Variants in ADAMTS16 observed in about 807,000 individuals in gnomAD.
ADAMTS16 encodes the protein A disintegrin and metalloproteinase with thrombospondin motifs 16.
In ADAMTS16, 94 loss-of-function variants were observed where a neutral mutation model predicts 145.8. The ratio of observed to expected loss-of-function variants is 0.64; its 90% confidence interval spans 0.55 to 0.77. The LOEUF (loss-of-function observed/expected upper bound fraction) is 0.77, where lower values mean the gene tolerates loss of function less well. Among genes scored for constraint, ADAMTS16 ranks in the 30% least tolerant of loss-of-function variants. The pLI is 0.00. For missense variants in ADAMTS16, 1,585 were observed against 1,591.5 expected (o/e 1.00, Z 0.07); for synonymous variants, 659 against 604.3 (o/e 1.09, Z -1.33).
rs1160793271 is a variant in ADAMTS16 at position 5,209,165 on chromosome 5, A to T, written c.1524A>T (p.Pro508=). 2 of 1,613,968 alleles carry T rather than the reference A, an allele frequency of 1.2e-6. No homozygotes were observed. Among genetic ancestry groups the T allele is most frequent in the African/African-American group, 2.7e-5 (2 of 74,944 alleles). Residue 508 remains proline, a synonymous_variant, in exon 10 of 23, where the codon CCA becomes CCT. Transcript: ENST00000274181. Reference sequence around the variant, plus strand: ...AATACAAGTATCCTGAGAAATTGCCAGGAGAATTATATGATGCAAACACAC... The same window carrying T: ...AATACAAGTATCCTGAGAAATTGCCTGGAGAATTATATGATGCAAACACAC... ...VKEYKYPEKL[P]GELYDANTQC... is the part of the protein sequence containing the mutation.
At chr5:5,177,183 T>TTA (rs1735220652) in intron 3 of ADAMTS16, among the ~76,000 whole-genome samples, 1 of 152,196 alleles carries the variant, frequency 6.6e-6, no homozygotes, top group Non-Finnish European at 1.5e-5. Flanking sequence ...TTCTGATGGA[T>TTA]TATGATGATG....
intron 18 of ADAMTS16, among the ~76,000 whole-genome samples, chr5:5,298,628 A>G (rs146641397): frequency 6.8e-4 from 102 of 150,348 alleles, no homozygotes; most frequent in African/African-American, 2.4e-3. Flanking sequence ...TGTTTTCCCT[A>G]TGGAAGAGGC....
At chr5:5,173,708 C>T (rs995383238) in intron 3 of ADAMTS16, among the ~76,000 whole-genome samples, 1 of 152,104 alleles carries the variant, frequency 6.6e-6, no homozygotes, top group Non-Finnish European at 1.5e-5. Flanking sequence ...CTCCTGACCT[C>T]ATGATCTGCC....
At chr5:5,237,940 A>G (rs964481883) in intron 14 of ADAMTS16, among the ~76,000 whole-genome samples, 4 of 152,194 alleles carry the variant, frequency 2.6e-5, no homozygotes, top group African/African-American at 7.2e-5. Context: ...CATGTAGACA[A>G]TGGGGTTTCA....
chr5:5,238,213 T>C (rs924446365), intron 14 of ADAMTS16, among the ~76,000 whole-genome samples: 2 of 152,212 alleles, frequency 1.3e-5, no homozygotes, highest in Admixed American at 6.5e-5. Context: ...CTTAATGATA[T>C]AGTGTCATAA....
At chr5:5,231,440 T>C in intron 11 of ADAMTS16, among the ~76,000 whole-genome samples, 1 of 152,082 alleles carries the variant, frequency 6.6e-6, no homozygotes, top group East Asian at 1.9e-4. Context: ...AGCCTTTTTT[T>C]TTTTCTGTCA....
At chr5:5,171,707 T>C (rs1735046025) in intron 3 of ADAMTS16, among the ~76,000 whole-genome samples, 1 of 152,210 alleles carries the variant, frequency 6.6e-6, no homozygotes. Flanking sequence ...TCAATGTTCA[T>C]CAGGGATATT....
rs750094212 is a variant in ADAMTS16 at position 5,190,059 on chromosome 5, G to A, written c.1136G>A (p.Arg379His). ...QSGLMGKDGT[R>H]HDHAILLTGL... is the part of the protein sequence containing the mutation. The stretch of plus-strand genomic sequence containing the variant: ...GGATTGATGGGGAAAGATGGGACTC[G>A]TCATGACCACGCCATCTTACTGACT... The change falls in exon 7 of 23, where the codon CGT becomes CAT. Residue 379 changes from arginine to histidine, a missense_variant. Physicochemically the swap from Arg to His is conservative, Grantham distance 29 (BLOSUM62 0). Around this residue, in one of 3 missense-constraint regions of ADAMTS16, gnomAD observed 298 missense variants for 367.6 expected, o/e 0.81. Coordinates refer to ENST00000274181, the MANE Select transcript of ADAMTS16 (RefSeq NM_139056.4). The A allele has an allele frequency of 1.5e-5, 25 of 1,613,108 alleles. No homozygotes were observed. The South Asian group carries it at 2.0e-4, about 13-fold the overall frequency.
intron 18 of ADAMTS16, among the ~76,000 whole-genome samples, chr5:5,282,081 C>T (rs1738939038): frequency 6.6e-6 from 1 of 151,084 alleles, no homozygotes; most frequent in South Asian, 2.1e-4. Context: ...AGCCTCCGAC[C>T]CTCATGAGTG....
At chr5:5,167,738 A>G (rs1366868174) in intron 3 of ADAMTS16, among the ~76,000 whole-genome samples, 1 of 152,220 alleles carries the variant, frequency 6.6e-6, no homozygotes, top group African/African-American at 2.4e-5. Context: ...AGGGTTCCAG[A>G]GCCTTGCTCT....
intron 18 of ADAMTS16, among the ~76,000 whole-genome samples, chr5:5,279,278 GAGTT>G (rs1483013903): frequency 6.6e-6 from 1 of 152,202 alleles, no homozygotes; most frequent in Admixed American, 6.5e-5. Flanking sequence ...AGCTAACAAA[GAGTT>G]AGAGAACAGG....
In ADAMTS16 at chr5:5,211,344, T is replaced by C. The variant is rs555628950; in HGVS notation, c.1605+2098T>C. 3.3e-5 allele frequency among the ~76,000 whole-genome samples: 5 copies of C among 152,264 alleles called. No homozygotes were observed. The South Asian group carries it at 8.3e-4, about 25-fold the overall frequency. ...ATTAAAAGTGACACTAAAGGAGATA[T>C]TTTTTCAATGAATGGTTATGAATTC... On this transcript the variant is annotated intron_variant, in intron 10 of 22. Coordinates refer to ENST00000274181, the MANE Select transcript of ADAMTS16 (RefSeq NM_139056.4).
chr5:5,184,331 A>C (rs1735436568), intron 4 of ADAMTS16, among the ~76,000 whole-genome samples: 1 of 108,070 alleles, frequency 9.3e-6, no homozygotes, highest in Non-Finnish European at 2.2e-5. Flanking sequence ...ATGCACCCCC[A>C]GGGCACTGTC....
At chr5:5,193,595 G>T (rs542376814) in intron 8 of ADAMTS16, among the ~76,000 whole-genome samples, 68 of 152,324 alleles carry the variant, frequency 4.5e-4, no homozygotes, top group Non-Finnish European at 3.4e-4. Flanking sequence ...GCCGTTGCAG[G>T]TGGTGAACTT....
At chr5:5,146,478 G>A in intron 3 of ADAMTS16, 23 bp downstream of exon 3, 2 of 1,571,900 alleles carry the variant, frequency 1.3e-6, no homozygotes, top group Non-Finnish European at 1.7e-6. Flanking sequence ...CAAGCCCCAG[G>A]TAGGGAGGCG....
chr5:5,320,247 G>A lies in ADAMTS16; in HGVS notation c.*1109G>A, dbSNP rs199616863. 9.3e-5 allele frequency: 22 copies of A among 236,580 alleles called. No homozygotes were observed. The South Asian group carries it at 9.8e-4, about 11-fold the overall frequency. The allele number at this position is 236,580 out of a possible 1,614,324, so 14.7% of individuals were successfully genotyped here. A position where few individuals can be genotyped will look rare whatever the true frequency, so the allele number is the denominator to read the frequency against. On this transcript the variant is annotated 3_prime_UTR_variant, in exon 23 of 23. Transcript: ENST00000274181. The surrounding 1 kb of genome is among the most constrained non-coding windows in gnomAD (Gnocchi z 5.1). ...GGTGCTGTGGCTCCATTCCAAAGGG[G>A]CACCTGGATATTTATATTTGCTGAA...
At chr5:5,279,551 G>A (rs572580340) in intron 18 of ADAMTS16, among the ~76,000 whole-genome samples, 15 of 152,124 alleles carry the variant, frequency 9.9e-5, no homozygotes, top group African/African-American at 2.7e-4. Context: ...GGGGAAAAAA[G>A]ATTTTATTAA....
At chr5:5,181,301 C>T (rs192153174) in intron 3 of ADAMTS16, among the ~76,000 whole-genome samples, 1 of 152,270 alleles carries the variant, frequency 6.6e-6, no homozygotes, top group Non-Finnish European at 1.5e-5. Flanking sequence ...TGTAAGATTG[C>T]CTGCTTGTCC....
intron 3 of ADAMTS16, among the ~76,000 whole-genome samples, chr5:5,163,462 T>A (rs1022671761): frequency 6.6e-6 from 1 of 152,202 alleles, no homozygotes; most frequent in African/African-American, 2.4e-5. Flanking sequence ...TGAGAGTATA[T>A]GCAGTCATAT....
Sources: allele counts gnomAD v4.1 joint callset (sites outside exome capture counted in the v4.1 genomes callset), GRCh38; gene constraint gnomAD v4.1.1; regional missense constraint gnomAD v4.1.1; non-coding constraint Gnocchi (gnomAD v3.1); transcripts MANE v1.5; gene names NCBI Gene and HGNC (gene_info 2026-07-23, HGNC 2026-07-21).